The following KLRD1 variants were observed in gnomAD, a reference collection of about 807,000 sequenced individuals.
The protein encoded by KLRD1 is killer cell lectin like receptor D1.
In KLRD1, 21 loss-of-function variants were observed where a neutral mutation model predicts 22.6. That is an observed-to-expected ratio of 0.93 (90% confidence interval 0.66 to 1.34). The LOEUF (loss-of-function observed/expected upper bound fraction) is 1.34. Among genes scored for constraint, KLRD1 ranks in the 40% most tolerant of loss-of-function variants. KLRD1 has a pLI of 0.00. For missense variants in KLRD1, 183 were observed against 208.6 expected, an observed-to-expected ratio of 0.88 and a Z score of 0.76; for synonymous variants, 59 against 71.1, an observed-to-expected ratio of 0.83 and a Z score of 0.85.
At chr12:10,304,339 G>C (rs140761482), upstream of KLRD1, 33 of 152,300 alleles carry the variant, frequency 2.2e-4, no homozygotes, top group African/African-American at 7.9e-4. Context: ...TTTATACTCA[G>C]ATGGTTACAT....
chr12:10,282,222 T>C (rs944196450), intron 1 of KLRD1, among the ~76,000 whole-genome samples: 5 of 152,128 alleles, frequency 3.3e-5, no homozygotes, highest in African/African-American at 4.8e-5. Context: ...AAGTTACAAA[T>C]ATCAAATAAA....
Position 10,247,815 on chromosome 12 carries a change from C to T in KLRD1, c.-101+21582C>T, listed in dbSNP as rs149265803. Among the ~76,000 whole-genome samples, 687 of 152,090 alleles carry T rather than the reference C, an allele frequency of 4.5e-3. 5 individuals carry two copies. Among genetic ancestry groups the T allele is most frequent in the African/African-American group, 0.016 (661 of 41,414 alleles). On this transcript the variant is annotated intron_variant, in intron 1 of 5. Coordinates refer to the KLRD1 transcript ENST00000544747. ...CCCTTTACTTGGCATTTCTCTGTCC[C>T]GGCCACCCAGTGAAGAGGGACGTAT...
chr12:10,310,245 A>G (rs1238501526), intron 3 of KLRD1, among the ~76,000 whole-genome samples: 1 of 151,940 alleles, frequency 6.6e-6, no homozygotes, highest in Admixed American at 6.6e-5. Flanking sequence ...TCAGCCTCCC[A>G]AGTAGCTGGG....
At chr12:10,268,232 T>C (rs921435242) in intron 1 of KLRD1, among the ~76,000 whole-genome samples, 2 of 152,146 alleles carry the variant, frequency 1.3e-5, no homozygotes, top group African/African-American at 4.8e-5. Flanking sequence ...AGCCGAGATA[T>C]TCAGTGGCTG....
rs562320603 is a variant in KLRD1 at position 10,266,956 on chromosome 12, A to C, written c.-101+40723A>C. ...TTTCTTTTTTTTCTTATTATACTTT[A>C]AGTTTTAGGGTACATGTGCACAACG... On this transcript the variant is annotated intron_variant, in intron 1 of 5. Transcript: ENST00000544747. Among the ~76,000 whole-genome samples, 4 of 136,918 alleles carry C rather than the reference A, an allele frequency of 2.9e-5. No individual in the cohort carries two copies. The East Asian group carries it at 8.3e-4, about 28-fold the overall frequency. The allele number at this position is 136,918 out of a possible 152,430, so 89.8% of individuals were successfully genotyped here.
At position 10,259,820 on chromosome 12, in the gene KLRD1, G is replaced by A. The variant is rs199830259; in HGVS notation, c.-101+33587G>A. On this transcript the variant is annotated intron_variant, in intron 1 of 5. Coordinates refer to the KLRD1 transcript ENST00000544747. Reference sequence around the variant, plus strand: ...GTCTTTACTAGAAATACAAAAATTAGCCAGGCGTTTTGGCACATGCCTGTA... The same window carrying A: ...GTCTTTACTAGAAATACAAAAATTAACCAGGCGTTTTGGCACATGCCTGTA... 3.3e-5 allele frequency among the ~76,000 whole-genome samples: 5 copies of A among 152,276 alleles called. No individual in the cohort carries two copies. In the East Asian group the frequency reaches 5.8e-4, roughly 18 times the overall value.
At chr12:10,239,485 C>CT (rs1565443264) in intron 1 of KLRD1, among the ~76,000 whole-genome samples, 15 of 105,902 alleles carry the variant, frequency 1.4e-4, no homozygotes, top group African/African-American at 8.0e-4. Context: ...TTCCTTCCTT[C>CT]TTCCTTCCTT....
Position 10,317,030 on chromosome 12 carries a change from G to C in KLRD1, c.*2237G>C, listed in dbSNP as rs974557205. 3.3e-5 allele frequency: 5 copies of C among 151,856 alleles called. No homozygotes were observed. The East Asian group carries it at 7.8e-4, about 24-fold the overall frequency. The allele number at this position is 151,856 out of a possible 1,614,324, so 9.4% of individuals were successfully genotyped here. On this transcript the variant is annotated 3_prime_UTR_variant, in exon 6 of 6. Transcript: ENST00000336164. Reference sequence around the variant, plus strand: ...CTCCCACTTATTAGTAAGAACATGTGGTGTTTGGTTTTCTGTTCCTGTGTT... The same window carrying C: ...CTCCCACTTATTAGTAAGAACATGTCGTGTTTGGTTTTCTGTTCCTGTGTT...
chr12:10,271,506 C>T (rs893578349), intron 1 of KLRD1, among the ~76,000 whole-genome samples: 3 of 151,868 alleles, frequency 2.0e-5, no homozygotes, highest in African/African-American at 4.8e-5. Flanking sequence ...TATTTGTTTT[C>T]GTGATTAGTT....
chr12:10,316,470 A>G lies in KLRD1; in HGVS notation c.*1677A>G, dbSNP rs1174721150. On this transcript the variant is annotated 3_prime_UTR_variant, in exon 6 of 6. Coordinates refer to ENST00000336164, the MANE Select transcript of KLRD1 (RefSeq NM_002262.5). ...CAGGCTGTAGTGCAATGATGCAATC[A>G]TGGTTCACTGCAGCTTCAACTTCCC... 6.6e-6 allele frequency: 1 copy of G among 151,946 alleles called. No individual in the cohort carries two copies. The highest frequency in any genetic ancestry group is 1.5e-5 in the Non-Finnish European group (1 of 68,012). 9.4% of individuals were successfully genotyped at this position (151,946 alleles called of 1,614,324 possible).
chr12:10,250,971 A>G (rs904502745), intron 1 of KLRD1, among the ~76,000 whole-genome samples: 6 of 152,134 alleles, frequency 3.9e-5, no homozygotes, highest in African/African-American at 1.4e-4. Flanking sequence ...CATCATTATC[A>G]ACGACTTATT....
chr12:10,300,091 C>A (rs1949854580), upstream of KLRD1, among the ~76,000 whole-genome samples: 1 of 152,172 alleles, frequency 6.6e-6, no homozygotes, highest in Non-Finnish European at 1.5e-5. Flanking sequence ...GAAATGGAAT[C>A]AACTCTTTCC....
At position 10,281,471 on chromosome 12, in the gene KLRD1, T is replaced by C. The variant is rs528936392; in HGVS notation, c.-100-26507T>C. On this transcript the variant is annotated intron_variant, in intron 1 of 5. Transcript: ENST00000544747. ...GGATATAGCGCTCTAACAGAAAATA[T>C]GAGACACCTGGTTTGAGGGTGAGGA... 3.3e-5 allele frequency among the ~76,000 whole-genome samples: 5 copies of C among 152,320 alleles called. No homozygotes were observed. In the East Asian group the frequency reaches 7.7e-4, roughly 24 times the overall value.
At chr12:10,307,330 A>G (rs1017979093), upstream of KLRD1, among the ~76,000 whole-genome samples, 8 of 152,228 alleles carry the variant, frequency 5.3e-5, no homozygotes, top group African/African-American at 1.7e-4. Flanking sequence ...GAGGCGTCCA[A>G]GTGGGAAACC....
intron 1 of KLRD1, among the ~76,000 whole-genome samples, chr12:10,292,375 A>G (rs1395166307): frequency 1.3e-5 from 2 of 152,354 alleles, no homozygotes; most frequent in African/African-American, 2.4e-5. Context: ...TACAAAATGT[A>G]TATCTTAAAT....
chr12:10,245,301 T>G (rs1396448773), intron 1 of KLRD1, among the ~76,000 whole-genome samples: 2 of 152,108 alleles, frequency 1.3e-5, no homozygotes, highest in Admixed American at 1.3e-4. Flanking sequence ...GAGGTTGCAA[T>G]GAGCCAAGAT....
chr12:10,274,841 A>C (rs1949578804), intron 1 of KLRD1, among the ~76,000 whole-genome samples: 1 of 152,102 alleles, frequency 6.6e-6, no homozygotes, highest in African/African-American at 2.4e-5. Context: ...ACCATGGTAA[A>C]TATAATTAAT....
rs2537752 is a variant in KLRD1 at position 10,314,934 on chromosome 12, T to A, written c.*141T>A. ...AACAGTGTCATATACAATTGTCATG[T>A]ATGTGAAACAATGTGTTTTAAAATT... On this transcript the variant is annotated 3_prime_UTR_variant, in exon 6 of 6. Coordinates refer to ENST00000336164, the MANE Select transcript of KLRD1 (RefSeq NM_002262.5). The A allele has an allele frequency of 0.56, 371,247 of 661,824 alleles. 107,424 individuals are homozygous for A. The highest frequency in any genetic ancestry group is 0.64 in the South Asian group (28,735 of 44,762). 41.0% of individuals were successfully genotyped at this position (661,824 alleles called of 1,614,324 possible).
chr12:10,298,224 C>A (rs1315896668), intron 1 of KLRD1, among the ~76,000 whole-genome samples: 1 of 152,162 alleles, frequency 6.6e-6, no homozygotes, highest in African/African-American at 2.4e-5. Context: ...AAACCAGAAC[C>A]ATTTCCACAG....
Sources: gnomAD v4.1 joint callset for allele counts (sites outside exome capture counted in the v4.1 genomes callset) on GRCh38, gnomAD v4.1.1 for gene constraint, MANE v1.5 for transcripts, NCBI Gene and HGNC (gene_info 2026-07-23, HGNC 2026-07-21) for gene names.